IGSF3: variants seen among roughly 807,000 people sequenced by gnomAD.
The protein encoded by IGSF3 is glu-Trp-Ile EWI motif-containing protein 3.
Under a neutral mutation model 114.4 loss-of-function variants are expected in IGSF3, and 23 were observed. The ratio of observed to expected loss-of-function variants is 0.20; its 90% confidence interval spans 0.14 to 0.28. IGSF3 has a LOEUF of 0.28. IGSF3 is among the 10% of genes least tolerant of loss of function. IGSF3 has a pLI of 1.00. For synonymous variants in IGSF3, 571 were observed against 645.2 expected (o/e 0.88, Z 1.74); for missense variants, 1,172 against 1,591.5 (o/e 0.74, Z 4.48).
intron 2 of IGSF3, among the ~76,000 whole-genome samples, chr1:116,623,648 T>C (rs654766): frequency 0.55 from 82,647 of 151,368 alleles, 23,607 homozygotes; most frequent in African/African-American, 0.71. Flanking sequence ...CTCCAGCCCA[T>C]TCGGTCAATG....
At position 116,596,182 on chromosome 1, in the gene IGSF3, G is replaced by A. The variant is rs994642046; in HGVS notation, c.2029+3759C>T. Among the ~76,000 whole-genome samples, 2 of 152,226 alleles carry A rather than the reference G, an allele frequency of 1.3e-5. No homozygotes were observed. The highest frequency in any genetic ancestry group is 4.8e-5 in the African/African-American group (2 of 41,454). ...GGCACAGACCACAAAGAAGCTTGCTGCGATAAATGATATCACAGCAGTGGA... is the reference window on the plus strand; with the variant it reads ...GGCACAGACCACAAAGAAGCTTGCTACGATAAATGATATCACAGCAGTGGA... On this transcript the variant is annotated intron_variant, in intron 7 of 10. Transcript: ENST00000369486. The surrounding 1 kb of genome is among the most constrained non-coding windows in gnomAD (Gnocchi z 4.1).
rs1477240820 is a variant in IGSF3, at chr1:116,585,000, G to T, written c.2493C>A (p.Thr831=). The T allele has an allele frequency of 6.3e-7, 1 of 1,576,912 alleles. No individual in the cohort carries two copies. Among genetic ancestry groups the T allele is most frequent in the East Asian group, 2.3e-5 (1 of 44,250 alleles). Residue 831 remains threonine (T), a synonymous_variant, in exon 9 of 11, where the codon ACC becomes ACA. Coordinates refer to ENST00000369486, the MANE Select transcript of IGSF3 (RefSeq NM_001007237.3). This position sits in a 1 kb window ranked among gnomAD's most constrained non-coding sequence, Gnocchi z 5.8. The stretch of plus-strand genomic sequence containing the variant: ...CCACACACTCCAGCTGTACCTGCCG[G>T]GTCTCCAGAACCGACAGGTTCCCCT... ...QAQGNLSVLE[T]RQVQLECVVL... is the part of the protein sequence containing the mutation.
At position 116,603,037 on chromosome 1, in the gene IGSF3, T is replaced by A. The variant is rs1660658452; in HGVS notation, c.1624+587A>T. On this transcript the variant is annotated intron_variant, in intron 6 of 10. Transcript: ENST00000369486. The surrounding 1 kb of genome is among the most constrained non-coding windows in gnomAD (Gnocchi z 7.1). The stretch of plus-strand genomic sequence containing the variant: ...TGTGTCTCAGTCTCAGTTTCCTCCA[T>A]AAAATGAAAGTGTCTGTCACTTGGC... 1.3e-5 allele frequency among the ~76,000 whole-genome samples: 2 copies of A among 152,204 alleles called. No homozygotes were observed. Among genetic ancestry groups the A allele is most frequent in the African/African-American group, 2.4e-5 (1 of 41,452 alleles).
chr1:116,604,277 ACCTGAG>A (rs1213626669), intron 5 of IGSF3, among the ~76,000 whole-genome samples: 1 of 152,186 alleles, frequency 6.6e-6, no homozygotes, highest in Non-Finnish European at 1.5e-5. Flanking sequence ...AGGTTCTAAG[ACCTGAG>A]CCTGAATAAG....
rs1297638255 is a variant in IGSF3 at position 116,625,677 on chromosome 1, C to T, written c.44-9220G>A. On this transcript the variant is annotated intron_variant, in intron 2 of 10. Transcript: ENST00000369486. This position sits in a 1 kb window ranked among gnomAD's most constrained non-coding sequence, Gnocchi z 4.7. Reference sequence around the variant, plus strand: ...AGACCAAATTCACAGTCAAATGCGACAAGATGAGGGCCTGGCCTGGTTTTA... The same window carrying T: ...AGACCAAATTCACAGTCAAATGCGATAAGATGAGGGCCTGGCCTGGTTTTA... Among the ~76,000 whole-genome samples, 1 of 152,196 alleles carries T rather than the reference C, an allele frequency of 6.6e-6. No homozygotes were observed. The highest frequency in any genetic ancestry group is 1.5e-5 in the Non-Finnish European group (1 of 68,032).
At chr1:116,599,717 C>T (rs1374629642) in intron 7 of IGSF3, among the ~76,000 whole-genome samples, 1 of 152,100 alleles carries the variant, frequency 6.6e-6, no homozygotes, top group African/African-American at 2.4e-5. Flanking sequence ...AACATACACA[C>T]AGAGGAAGAA....
At chr1:116,586,530 C>T (rs756354247) in intron 8 of IGSF3, among the ~76,000 whole-genome samples, 17 of 152,162 alleles carry the variant, frequency 1.1e-4, no homozygotes, top group South Asian at 2.1e-4. Context: ...CTGTTTTACT[C>T]GGTGTCCTCT....
intron 8 of IGSF3, among the ~76,000 whole-genome samples, chr1:116,587,689 G>C (rs1054530743): frequency 6.6e-6 from 1 of 152,212 alleles, no homozygotes; most frequent in African/African-American, 2.4e-5. Flanking sequence ...GGAGAAATCA[G>C]GGTAGGCTTC....
At position 116,633,399 on chromosome 1, in the gene IGSF3, T is replaced by A. The variant is rs371482826; in HGVS notation, c.44-16942A>T. On this transcript the variant is annotated intron_variant, in intron 2 of 10. Coordinates refer to ENST00000369486, the MANE Select transcript of IGSF3 (RefSeq NM_001007237.3). The surrounding 1 kb of genome is among the most constrained non-coding windows in gnomAD (Gnocchi z 4.3). ...CTTTTAACTTTTTCTCTAAGGCTGA[T>A]TCCCTATAAGCAAAATTTTAAAATT... is the stretch of plus-strand genomic sequence containing the variant. Among the ~76,000 whole-genome samples, 1 of 152,214 alleles carries A rather than the reference T, an allele frequency of 6.6e-6. No individual in the cohort carries two copies. The highest frequency in any genetic ancestry group is 1.5e-5 in the Non-Finnish European group (1 of 68,044).
intron 9 of IGSF3, among the ~76,000 whole-genome samples, chr1:116,580,284 A>T (rs996384090): frequency 6.6e-6 from 1 of 152,328 alleles, no homozygotes; most frequent in Middle Eastern, 3.4e-3. Context: ...GGAACCTCAG[A>T]ATGTGATTAT....
At chr1:116,580,853 G>C (rs1014500334) in intron 9 of IGSF3, among the ~76,000 whole-genome samples, 19 of 152,206 alleles carry the variant, frequency 1.2e-4, no homozygotes, top group Admixed American at 1.0e-3. Flanking sequence ...CCACAACCAG[G>C]GAATGTCTGT....
Position 116,600,106 on chromosome 1 carries a change from C to A in IGSF3, c.1864G>T (p.Ala622Ser). 6.2e-7 allele frequency: 1 copy of A among 1,614,196 alleles called. No individual in the cohort carries two copies. Among genetic ancestry groups the A allele is most frequent in the Non-Finnish European group, 8.5e-7 (1 of 1,180,016 alleles). ...SFRTRTAIEKAESSNNVRLSI... is the reference protein window; with the variant it reads ...SFRTRTAIEKSESSNNVRLSI... The stretch of plus-strand genomic sequence containing the variant: ...AGGCGGACGTTGTTGCTGGACTCAG[C>A]CTTCTCGATGGCAGTTCGGGTTCGG... The change falls in exon 7 of 11, where the codon GCT becomes TCT. Residue 622 changes from alanine to serine, a missense_variant. Coordinates refer to ENST00000369486, the MANE Select transcript of IGSF3 (RefSeq NM_001007237.3). This position sits in a 1 kb window ranked among gnomAD's most constrained non-coding sequence, Gnocchi z 5.5.
At position 116,599,391 on chromosome 1, in the gene IGSF3, TACAC is replaced by T. The variant is rs35774720; in HGVS notation, c.2029+546_2029+549del. ...GTCCATGTCTACAGACACATACATA[TACAC>T]ACACACACACACACACACACACACA... On this transcript the variant is annotated intron_variant, in intron 7 of 10. Coordinates refer to ENST00000369486, the MANE Select transcript of IGSF3 (RefSeq NM_001007237.3). 5.9e-3 allele frequency among the ~76,000 whole-genome samples: 871 copies of T among 148,220 alleles called. 6 individuals are homozygous for T. The highest frequency in any genetic ancestry group is 0.019 in the African/African-American group (793 of 40,734).
chr1:116,641,389 A>G (rs1160917089), intron 2 of IGSF3, among the ~76,000 whole-genome samples: 1 of 147,232 alleles, frequency 6.8e-6, no homozygotes, highest in Non-Finnish European at 1.5e-5. Context: ...CCAGCTACTG[A>G]GGAGGCTGAG....
intron 7 of IGSF3, among the ~76,000 whole-genome samples, chr1:116,597,995 A>T (rs1660412880): frequency 6.6e-6 from 1 of 152,254 alleles, no homozygotes. Flanking sequence ...GGTACTTCAT[A>T]CATATTTTTC....
chr1:116,589,698 C>T lies in IGSF3; in HGVS notation c.2030-594G>A, dbSNP rs1251152916. On this transcript the variant is annotated intron_variant, in intron 7 of 10. Coordinates refer to ENST00000369486, the MANE Select transcript of IGSF3 (RefSeq NM_001007237.3). The surrounding 1 kb of genome is among the most constrained non-coding windows in gnomAD (Gnocchi z 5.7). ...TCCCCCTGGGCTCCATACCCTTCCT[C>T]AGCACCCTCTATATATCTCTGGGCT... Among the ~76,000 whole-genome samples, 1 of 152,160 alleles carries T rather than the reference C, an allele frequency of 6.6e-6. No individual in the cohort carries two copies. Among genetic ancestry groups the T allele is most frequent in the Admixed American group, 6.5e-5 (1 of 15,288 alleles).
rs1199676441 is a variant in IGSF3 at position 116,658,048 on chromosome 1, T to TTTTTG, written c.43+8231_43+8235dup. 7.2e-5 allele frequency among the ~76,000 whole-genome samples: 11 copies of TTTTTG among 151,950 alleles called. No homozygotes were observed. The East Asian group carries it at 7.7e-4, about 11-fold the overall frequency. Reference sequence around the variant, plus strand: ...GGTTTTTTTTTTTTTGAAATGGAGTTTTTTGTTTTGTTTTGTTTTGTTTGC... The same window carrying TTTTTG: ...GGTTTTTTTTTTTTTGAAATGGAGTTTTTTGTTTTGTTTTGTTTTGTTTTGTTTGC... On this transcript the variant is annotated intron_variant, in intron 2 of 10. Coordinates refer to ENST00000369486, the MANE Select transcript of IGSF3 (RefSeq NM_001007237.3).
Position 116,662,341 on chromosome 1 carries a change from G to C in IGSF3, c.43+3943C>G, listed in dbSNP as rs889861028. ...CCGCCTCAGCCTCCCAAAGTGCTGCGGTTACAAGCATGAGCCACCATGCCC... is the reference window on the plus strand; with the variant it reads ...CCGCCTCAGCCTCCCAAAGTGCTGCCGTTACAAGCATGAGCCACCATGCCC... On this transcript the variant is annotated intron_variant, in intron 2 of 10. Transcript: ENST00000369486. The surrounding 1 kb of genome is among the most constrained non-coding windows in gnomAD (Gnocchi z 4.3). Among the ~76,000 whole-genome samples the C allele has an allele frequency of 6.6e-6, 1 of 152,068 alleles. No individual in the cohort carries two copies. The highest frequency in any genetic ancestry group is 1.5e-5 in the Non-Finnish European group (1 of 68,012).
Position 116,577,636 on chromosome 1 carries a change from C to T in IGSF3, c.3335-74G>A, listed in dbSNP as rs1231150937. 1.4e-6 allele frequency: 2 copies of T among 1,469,420 alleles called. No individual in the cohort carries two copies. Among genetic ancestry groups the T allele is most frequent in the African/African-American group, 1.4e-5 (1 of 71,890 alleles). The allele number at this position is 1,469,420 out of a possible 1,614,324, so 91.0% of individuals were successfully genotyped here. On this transcript the variant is annotated intron_variant, in intron 10 of 10. Coordinates refer to ENST00000369486, the MANE Select transcript of IGSF3 (RefSeq NM_001007237.3). This position sits in a 1 kb window ranked among gnomAD's most constrained non-coding sequence, Gnocchi z 5.7. ...ACTGCTCACATTTCCTTTTGAAGAC[C>T]TCACCTGACCCAGTGGAAGCTCCTC...
Sources: allele counts gnomAD v4.1 joint callset (sites outside exome capture counted in the v4.1 genomes callset), GRCh38; gene constraint gnomAD v4.1.1; non-coding constraint Gnocchi (gnomAD v3.1); transcripts MANE v1.5; gene names NCBI Gene and HGNC (gene_info 2026-07-23, HGNC 2026-07-21).